The following FLT3 variants were observed in gnomAD, a reference collection of about 807,000 sequenced individuals.
The protein encoded by FLT3 is fms related receptor tyrosine kinase 3, also known as receptor-type tyrosine-protein kinase FLT3.
FLT3 carries 46 observed loss-of-function variants against 126.6 expected under a neutral mutation model. The observed-to-expected ratio is 0.36, with a 90% CI of 0.29 to 0.46. The LOEUF (loss-of-function observed/expected upper bound fraction) is 0.46. FLT3 is among the 20% of genes least tolerant of loss of function. The pLI, the probability that FLT3 is intolerant of heterozygous loss-of-function variation, is 1.00. For missense variants in FLT3, 1,069 were observed against 1,190.3 expected, an observed-to-expected ratio of 0.90 and a Z score of 1.50; for synonymous variants, 404 against 434.4, an observed-to-expected ratio of 0.93 and a Z score of 0.87.
In FLT3 at chr13:28,015,502, C is replaced by G. The variant is rs546837393; in HGVS notation, c.2653+88G>C. 3.7e-4 allele frequency: 259 copies of G among 707,336 alleles called. 1 individual carries two copies. In the African/African-American group the frequency reaches 4.5e-3, roughly 12 times the overall value. 43.8% of individuals were successfully genotyped at this position (707,336 alleles called of 1,614,324 possible). On this transcript the variant is annotated intron_variant, in intron 21 of 23. Coordinates refer to ENST00000241453, the MANE Select transcript of FLT3 (RefSeq NM_004119.3). ...GGGCTGCAATACAAGTAAGACCCAT[C>G]AGTGTTGGGGGGAGGGGTGGGGCGG...
chr13:28,045,439 C>T (rs1874766010), intron 9 of FLT3, among the ~76,000 whole-genome samples: 1 of 152,306 alleles, frequency 6.6e-6, no homozygotes, highest in East Asian at 1.9e-4. Context: ...AAGAGCTTAT[C>T]TAACATGGGG....
At chr13:28,074,675 C>T (rs1477128397) in intron 1 of FLT3, among the ~76,000 whole-genome samples, 1 of 152,090 alleles carries the variant, frequency 6.6e-6, no homozygotes, top group African/African-American at 2.4e-5. Context: ...GGGTCTCACC[C>T]TGTCACTCAG....
In FLT3 at chr13:28,073,005, T is replaced by TA. The variant is rs368386266; in HGVS notation, c.44-2394dup. Among the ~76,000 whole-genome samples, 899 of 136,360 alleles carry TA rather than the reference T, an allele frequency of 6.6e-3. 3 individuals are homozygous for TA. The highest frequency in any genetic ancestry group is 0.02 in the African/African-American group (717 of 36,682). The allele number at this position is 136,360 out of a possible 152,430, so 89.5% of individuals were successfully genotyped here. ...GGGCGACAGAGCGAGACTCCGTCTC[T>TA]AAAAAAAAAAAACAACAACAACAAA... On this transcript the variant is annotated intron_variant, in intron 1 of 23. Coordinates refer to ENST00000241453, the MANE Select transcript of FLT3 (RefSeq NM_004119.3).
intron 9 of FLT3, among the ~76,000 whole-genome samples, chr13:28,041,922 G>A (rs1874414761): frequency 6.6e-6 from 1 of 152,154 alleles, no homozygotes; most frequent in African/African-American, 2.4e-5. Context: ...GGAGGCCAAA[G>A]GAGGAGGATC....
rs769807030 is a variant in FLT3 at position 28,062,003 on chromosome 13, C to A, written c.232G>T (p.Ala78Ser). 1 of 1,613,444 alleles carries A rather than the reference C, an allele frequency of 6.2e-7. No homozygotes were observed. Among genetic ancestry groups the A allele is most frequent in the Non-Finnish European group, 8.5e-7 (1 of 1,180,004 alleles). Residue 78 changes from alanine (A) to serine (S), a missense_variant, in exon 3 of 24, where the codon GCT (alanine) becomes TCT (serine). By Grantham distance (99) the Ala-to-Ser change is moderately conservative. Coordinates refer to ENST00000241453, the MANE Select transcript of FLT3 (RefSeq NM_004119.3). ...GATACATCCACTTCCACAGCGGCAG[C>A]TTCGTACACTGTCCCTGAGCTCTGG... is the stretch of plus-strand genomic sequence containing the variant. Reference protein sequence around the residue: ...RPQSSGTVYEAAAVEVDVSAS... With the variant: ...RPQSSGTVYESAAVEVDVSAS...
chr13:28,073,922 A>G (rs1229513883), intron 1 of FLT3, among the ~76,000 whole-genome samples: 3 of 148,110 alleles, frequency 2.0e-5, no homozygotes, highest in Non-Finnish European at 3.0e-5. Flanking sequence ...CCTGGGCAAA[A>G]GAGCCAGATC....
rs1028531428 is a variant in FLT3 at position 28,003,470 on chromosome 13, C to T, written c.*582G>A. On this transcript the variant is annotated 3_prime_UTR_variant, in exon 24 of 24. Coordinates refer to ENST00000241453, the MANE Select transcript of FLT3 (RefSeq NM_004119.3). The stretch of plus-strand genomic sequence containing the variant: ...AGGCTGTGACAACCATAGCTGCCTA[C>T]ACATTCCTTGTATCTTGGGGTAAAA... 1.7e-5 allele frequency: 4 copies of T among 235,036 alleles called. No individual in the cohort carries two copies. The highest frequency in any genetic ancestry group is 3.4e-5 in the Non-Finnish European group (4 of 119,178). The allele number at this position is 235,036 out of a possible 1,614,324, so 14.6% of individuals were successfully genotyped here. A position where few individuals can be genotyped will look rare whatever the true frequency, so the allele number is the denominator to read the frequency against.
At chr13:28,084,429 C>A (rs1290024746) in intron 1 of FLT3, among the ~76,000 whole-genome samples, 1 of 151,974 alleles carries the variant, frequency 6.6e-6, no homozygotes, top group Non-Finnish European at 1.5e-5. Flanking sequence ...TCACGGTGTA[C>A]TGCAGCCTTA....
intron 1 of FLT3, among the ~76,000 whole-genome samples, chr13:28,093,073 C>T (rs1879226636): frequency 6.6e-6 from 1 of 151,858 alleles, no homozygotes; most frequent in African/African-American, 2.4e-5. Context: ...AGACATGTGC[C>T]AGCACATCTG....
At chr13:28,073,350 T>TG (rs1431633315) in intron 1 of FLT3, 1 of 255,120 alleles carries the variant, frequency 3.9e-6, no homozygotes. Flanking sequence ...ACCTCATCTC[T>TG]GGAAAAAAAA....
chr13:28,059,051 A>G (rs1051078656), intron 3 of FLT3, among the ~76,000 whole-genome samples: 2 of 152,224 alleles, frequency 1.3e-5, no homozygotes, highest in African/African-American at 4.8e-5. Context: ...AAAAACAAGA[A>G]GTGAGTAATA....
At chr13:28,026,045 G>A (rs904514537) in intron 17 of FLT3, among the ~76,000 whole-genome samples, 7 of 152,102 alleles carry the variant, frequency 4.6e-5, no homozygotes, top group African/African-American at 1.4e-4. Flanking sequence ...ATACAGGGAG[G>A]GAAATAAGAA....
At chr13:28,092,351 C>A (rs1321454241) in intron 1 of FLT3, among the ~76,000 whole-genome samples, 2 of 151,988 alleles carry the variant, frequency 1.3e-5, no homozygotes, top group East Asian at 3.9e-4. Flanking sequence ...ATTACCCAGG[C>A]AATTGCCAAC....
At chr13:28,061,816 A>G (rs924135699) in intron 3 of FLT3, 51 bp downstream of exon 3, 1 of 1,475,264 alleles carries the variant, frequency 6.8e-7, no homozygotes, top group Admixed American at 1.8e-5. Flanking sequence ...AACTTGAAAC[A>G]AAATTCCAAA....
Position 28,018,459 on chromosome 13 carries a change from A to C in FLT3, c.2541+8T>G. On this transcript the variant is annotated splice_region_variant and intron_variant, in intron 20 of 23. Transcript: ENST00000241453. ...CGTATAAAAATAAGTAGGAAATAGCAGCCTCACATTGCCCCTGACAACATA... is the reference window on the plus strand; with the variant it reads ...CGTATAAAAATAAGTAGGAAATAGCCGCCTCACATTGCCCCTGACAACATA... 1 of 1,613,902 alleles carries C rather than the reference A, an allele frequency of 6.2e-7. No individual in the cohort carries two copies. Among genetic ancestry groups the C allele is most frequent in the African/African-American group, 1.3e-5 (1 of 75,062 alleles).
At position 28,050,161 on chromosome 13, in the gene FLT3, C is replaced by G. The variant is rs533263455; in HGVS notation, c.676G>C (p.Gly226Arg). 2 of 1,614,038 alleles carry G rather than the reference C, an allele frequency of 1.2e-6. No homozygotes were observed. Among genetic ancestry groups the G allele is most frequent in the African/African-American group, 1.3e-5 (1 of 75,054 alleles). Reference sequence around the variant, plus strand: ...CTGGCACAGCACCTTATGTCCGTCCCAAATAATTCATGAAGCACTTTTTCC... The same window carrying G: ...CTGGCACAGCACCTTATGTCCGTCCGAAATAATTCATGAAGCACTTTTTCC... ...KEEKVLHELF[G>R]TDIRCCARNE... The change falls in exon 6 of 24, where the codon GGG becomes CGG. Residue 226 changes from glycine to arginine, a missense_variant. By Grantham distance (125) the Gly-to-Arg change is moderately radical. Transcript: ENST00000241453.
chr13:28,056,022 G>T (rs374618357), intron 4 of FLT3, among the ~76,000 whole-genome samples: 1 of 152,114 alleles, frequency 6.6e-6, no homozygotes, highest in East Asian at 1.9e-4. Context: ...TAAATTTTGG[G>T]TAATTTTGAC....
chr13:28,084,973 TA>T (rs59333724), intron 1 of FLT3, among the ~76,000 whole-genome samples: 229 of 133,230 alleles, frequency 1.7e-3, no homozygotes, highest in Middle Eastern at 3.9e-3. Flanking sequence ...AGCCTTCCTC[TA>T]AAAAAAAAAA....
chr13:28,021,066 A>G (rs9512979), intron 19 of FLT3, among the ~76,000 whole-genome samples: 24,972 of 152,052 alleles, frequency 0.16, 2,310 homozygotes, highest in Middle Eastern at 0.26. Context: ...CAGGCCAGAC[A>G]ATCTAAGTAG....
Sources: gnomAD v4.1 joint callset for allele counts (sites outside exome capture counted in the v4.1 genomes callset) on GRCh38, gnomAD v4.1.1 for gene constraint, MANE v1.5 for transcripts, NCBI Gene and HGNC (gene_info 2026-07-23, HGNC 2026-07-21) for gene names.